MTHFD1L: variants seen among roughly 807,000 people sequenced by gnomAD.
MTHFD1L encodes the protein monofunctional C1-tetrahydrofolate synthase, mitochondrial.
Under a neutral mutation model 119.5 loss-of-function variants are expected in MTHFD1L, and 81 were observed. The ratio of observed to expected loss-of-function variants is 0.68; its 90% CI spans 0.57 to 0.82. The LOEUF is 0.82. Among genes scored for constraint, MTHFD1L ranks in the 40% least tolerant of loss-of-function variants. The pLI, the probability that MTHFD1L is intolerant of heterozygous loss-of-function variation, is 0.00. For missense variants in MTHFD1L, 1,125 were observed against 1,253.4 expected (o/e 0.90, Z 1.55); for synonymous variants, 430 against 475.2 (o/e 0.90, Z 1.24).
chr6:150,937,657 C>G (rs369858465), intron 12 of MTHFD1L, among the ~76,000 whole-genome samples: 2 of 152,092 alleles, frequency 1.3e-5, no homozygotes, highest in East Asian at 3.9e-4. Flanking sequence ...AGGGTTGGAG[C>G]GAGAAAGCCA....
intron 13 of MTHFD1L, among the ~76,000 whole-genome samples, chr6:150,943,274 CA>C (rs914836706): frequency 1.3e-5 from 2 of 148,254 alleles, no homozygotes; most frequent in African/African-American, 2.5e-5. Context: ...AACTCCGTCT[CA>C]AAAAAAAATA....
At position 150,944,574 on chromosome 6, in the gene MTHFD1L, A is replaced by G; in HGVS notation, c.1529A>G (p.Glu510Gly). Reference sequence around the variant, plus strand: ...GCCATCGACACGAGGATTCTTCATGAAAACACGCAAACAGATAAGGTGAGA... The same window carrying G: ...GCCATCGACACGAGGATTCTTCATGGAAACACGCAAACAGATAAGGTGAGA... Reference protein sequence around the residue: ...AAAIDTRILHENTQTDKALYN... With the variant: ...AAAIDTRILHGNTQTDKALYN... The change falls in exon 14 of 28, where the codon GAA becomes GGA. Residue 510 changes from glutamate to glycine, a missense_variant. Around this residue, in one of 3 missense-constraint regions of MTHFD1L, gnomAD observed 1,058 missense variants for 1,151.2 expected, o/e 0.92. Coordinates refer to ENST00000367321, the MANE Select transcript of MTHFD1L (RefSeq NM_015440.5). 6.2e-7 allele frequency: 1 copy of G among 1,613,628 alleles called. No homozygotes were observed. Among genetic ancestry groups the G allele is most frequent in the Non-Finnish European group, 8.5e-7 (1 of 1,179,708 alleles).
chr6:150,952,615 C>G (rs1421672274), intron 16 of MTHFD1L, among the ~76,000 whole-genome samples: 1 of 151,976 alleles, frequency 6.6e-6, no homozygotes, highest in Non-Finnish European at 1.5e-5. Context: ...CCGCAACCTC[C>G]AACTCCCTGG....
intron 15 of MTHFD1L, 56 bp from the exon 16 acceptor site, chr6:150,948,975 C>A (rs974643699): frequency 1.6e-5 from 23 of 1,407,918 alleles, no homozygotes; most frequent in African/African-American, 1.4e-5. Flanking sequence ...ATTTTGGTGA[C>A]CCTTTGCTTT....
chr6:150,938,574 T>C, intron 12 of MTHFD1L, 125 bp from the exon 13 acceptor site: 1 of 943,112 alleles, frequency 1.1e-6, no homozygotes, highest in South Asian at 1.4e-5. Flanking sequence ...TCACTGCCTT[T>C]TGTTACTTCA....
chr6:150,986,852 C>G (rs514797), intron 20 of MTHFD1L, among the ~76,000 whole-genome samples: 80,909 of 152,002 alleles, frequency 0.53, 22,718 homozygotes, highest in African/African-American at 0.69. Context: ...CTACAGGCAT[C>G]TACCATGCCC....
intron 26 of MTHFD1L, among the ~76,000 whole-genome samples, chr6:151,075,668 C>A (rs1792424410): frequency 6.6e-6 from 1 of 152,194 alleles, no homozygotes; most frequent in Admixed American, 6.5e-5. Flanking sequence ...GCATTCTTTT[C>A]AAACGTACAC....
At chr6:151,003,478 G>A (rs1780916106) in intron 20 of MTHFD1L, among the ~76,000 whole-genome samples, 1 of 152,126 alleles carries the variant, frequency 6.6e-6, no homozygotes, top group Admixed American at 6.5e-5. Context: ...GTTGCAGTAA[G>A]CCGAGATCGC....
At chr6:151,087,659 A>G (rs1035986229) in intron 26 of MTHFD1L, among the ~76,000 whole-genome samples, 1 of 152,366 alleles carries the variant, frequency 6.6e-6, no homozygotes, top group South Asian at 2.1e-4. Context: ...AGAATCTTTA[A>G]TAATTTTTCA....
chr6:150,957,502 ATATTT>A (rs1314171331), intron 17 of MTHFD1L, among the ~76,000 whole-genome samples: 3 of 144,644 alleles, frequency 2.1e-5, no homozygotes, highest in African/African-American at 7.5e-5. Context: ...GGAACTAAAA[ATATTT>A]TAATGAAAAG....
At chr6:150,915,043 A>G (rs1787620318) in intron 8 of MTHFD1L, among the ~76,000 whole-genome samples, 1 of 152,152 alleles carries the variant, frequency 6.6e-6, no homozygotes, top group African/African-American at 2.4e-5. Flanking sequence ...TGTTGTGTGT[A>G]CCACCTACCA....
chr6:150,883,863 A>C (rs1781770001), intron 5 of MTHFD1L, among the ~76,000 whole-genome samples: 1 of 152,178 alleles, frequency 6.6e-6, no homozygotes. Flanking sequence ...TTGTAAGCAG[A>C]TTTATAAAGT....
chr6:150,917,536 G>A (rs1788195725), intron 8 of MTHFD1L, among the ~76,000 whole-genome samples: 1 of 151,724 alleles, frequency 6.6e-6, no homozygotes, highest in African/African-American at 2.4e-5. Context: ...ATAAGATGAA[G>A]CCCACTGTGT....
At chr6:150,989,331 G>GT (rs1390521294) in intron 20 of MTHFD1L, among the ~76,000 whole-genome samples, 1 of 152,162 alleles carries the variant, frequency 6.6e-6, no homozygotes, top group Non-Finnish European at 1.5e-5. Flanking sequence ...ATTAAATAGT[G>GT]TAACCCTGAA....
chr6:150,976,278 G>T (rs573304033), intron 20 of MTHFD1L, among the ~76,000 whole-genome samples: 4 of 152,268 alleles, frequency 2.6e-5, no homozygotes, highest in Admixed American at 2.6e-4. Context: ...GTGGCACACT[G>T]ATAACTTTCT....
At chr6:151,016,055 T>G (rs1355813847) in intron 24 of MTHFD1L, among the ~76,000 whole-genome samples, 1 of 152,062 alleles carries the variant, frequency 6.6e-6, no homozygotes, top group Non-Finnish European at 1.5e-5. Context: ...ATCACACCAC[T>G]GCACTCCAGC....
intron 17 of MTHFD1L, among the ~76,000 whole-genome samples, chr6:150,959,929 A>G (rs776417428): frequency 2.6e-5 from 4 of 152,234 alleles, no homozygotes; most frequent in African/African-American, 7.2e-5. Context: ...TGACCACACT[A>G]GACTGATAAT....
At chr6:150,954,979 C>T (rs570961732) in intron 16 of MTHFD1L, among the ~76,000 whole-genome samples, 1 of 151,958 alleles carries the variant, frequency 6.6e-6, no homozygotes, top group Non-Finnish European at 1.5e-5. Flanking sequence ...CATTCACCCC[C>T]GCCACCCCCC....
intron 20 of MTHFD1L, among the ~76,000 whole-genome samples, chr6:150,976,387 C>A (rs187897776): frequency 1.2e-4 from 19 of 152,304 alleles, no homozygotes. Context: ...TGCAAACCCT[C>A]CCAGGTCAGC....
Sources: gnomAD v4.1 joint callset for allele counts (sites outside exome capture counted in the v4.1 genomes callset) on GRCh38, gnomAD v4.1.1 for gene constraint, gnomAD v4.1.1 regional missense constraint, MANE v1.5 for transcripts, NCBI Gene and HGNC (gene_info 2026-07-23, HGNC 2026-07-21) for gene names.